The following SPATA6L variants were observed in gnomAD, a reference collection of about 807,000 sequenced individuals.
SPATA6L encodes the protein spermatogenesis associated 6 like, also known as spermatogenesis associated 6-like protein.
In SPATA6L, 68 loss-of-function variants were observed where a neutral mutation model predicts 49.2. The observed-to-expected ratio is 1.38, with a 90% CI of 1.14 to 1.69. The LOEUF (loss-of-function observed/expected upper bound fraction) is 1.69. Among genes scored for constraint, SPATA6L ranks in the 40% most tolerant of loss-of-function variants. The probability of loss-of-function intolerance (pLI) is 0.00; values close to 1 mark genes in which losing one functional copy is unlikely to be tolerated. For missense variants in SPATA6L, 668 were observed against 464.3 expected (o/e 1.44, Z -4.03); for synonymous variants, 198 against 165.7 (o/e 1.19, Z -1.50).
intron 9 of SPATA6L, among the ~76,000 whole-genome samples, chr9:4,611,930 A>C (rs1049526025): frequency 2.7e-5 from 4 of 150,120 alleles, no homozygotes; most frequent in African/African-American, 1.0e-4. Flanking sequence ...TGCAACCTTG[A>C]ACTCTTGGAC....
Position 4,625,394 on chromosome 9 carries a change from G to T in SPATA6L, c.602C>A (p.Ala201Asp). 1 of 1,614,138 alleles carries T rather than the reference G, an allele frequency of 6.2e-7. No homozygotes were observed. Among genetic ancestry groups the T allele is most frequent in the African/African-American group, 1.3e-5 (1 of 75,030 alleles). Residue 201 changes from alanine (A) to aspartate (D), a missense_variant, in exon 6 of 12, where the codon GCT (alanine) becomes GAT (aspartate). Coordinates refer to ENST00000682582, the MANE Select transcript of SPATA6L (RefSeq NM_001353486.2). ...GAAATTATTTCCAAGGTTCAACTGA[G>T]CTGGCTGGTCCTGGAAGAAATGCCT... ...STRHFFQDQP[A>D]QLNLGNNFKI... is the part of the protein sequence containing the mutation.
chr9:4,630,670 T>G (rs965706420), intron 4 of SPATA6L, among the ~76,000 whole-genome samples: 2 of 152,186 alleles, frequency 1.3e-5, no homozygotes, highest in Non-Finnish European at 2.9e-5. Flanking sequence ...CCACTTATAC[T>G]CAAGATGCTT....
At chr9:4,654,144 A>G (rs112667727) in intron 3 of SPATA6L, among the ~76,000 whole-genome samples, 5 of 152,362 alleles carry the variant, frequency 3.3e-5, no homozygotes, top group African/African-American at 1.2e-4. Context: ...AAAATGACAG[A>G]CAATAACAAG....
chr9:4,601,158 T>C (rs1564099927), intron 11 of SPATA6L, among the ~76,000 whole-genome samples: 1 of 152,150 alleles, frequency 6.6e-6, no homozygotes, highest in Non-Finnish European at 1.5e-5. Context: ...TTAACTATAT[T>C]CTACTGAACA....
At chr9:4,648,724 A>AAATAAATAAATAAATAAATAAATAAAT (rs769508422) in intron 3 of SPATA6L, among the ~76,000 whole-genome samples, 2 of 149,104 alleles carry the variant, frequency 1.3e-5, no homozygotes, top group Admixed American at 1.3e-4. Flanking sequence ...TTAAATAAAT[A>AAATAAATAAATAAATAAATAAATAAAT]AATACATAAG....
intron 3 of SPATA6L, among the ~76,000 whole-genome samples, chr9:4,654,391 G>A (rs141040888): frequency 7.2e-5 from 11 of 152,326 alleles, no homozygotes; most frequent in Admixed American, 2.0e-4. Context: ...GGGGCAGGCT[G>A]TGGGGTTCCG....
chr9:4,644,362 T>C (rs997459176), intron 3 of SPATA6L, among the ~76,000 whole-genome samples: 4 of 150,830 alleles, frequency 2.7e-5, no homozygotes, highest in Non-Finnish European at 5.9e-5. Flanking sequence ...ATATAAAAAA[T>C]AAAATTAAAT....
At chr9:4,646,637 A>T (rs1835443379) in intron 3 of SPATA6L, 1 of 479,542 alleles carries the variant, frequency 2.1e-6, no homozygotes, top group African/African-American at 2.0e-5. Context: ...ATAATAATAA[A>T]AATAATAATT....
chr9:4,653,648 G>A (rs1396656269), intron 3 of SPATA6L, among the ~76,000 whole-genome samples: 1 of 152,124 alleles, frequency 6.6e-6, no homozygotes, highest in East Asian at 1.9e-4. Flanking sequence ...AACATTTACA[G>A]GCCAGGCACA....
In SPATA6L at chr9:4,604,244, T is replaced by C. The variant is rs1224403011; in HGVS notation, c.1115A>G (p.Tyr372Cys). 2.5e-6 allele frequency: 4 copies of C among 1,610,900 alleles called. No homozygotes were observed. The highest frequency in any genetic ancestry group is 1.3e-5 in the African/African-American group (1 of 74,870). Residue 372 changes from tyrosine (Y) to cysteine (C), a missense_variant, in exon 11 of 12, where the codon TAT becomes TGT. Physicochemically the swap from Tyr to Cys is radical, Grantham distance 194. Transcript: ENST00000682582. ...NKEDSTSEVN[Y>C]IIERPSYPLK... ...AGGGTAGCTTGGTCTTTCAATGATA[T>C]AATTTACTTCAGAGGTAGAATCTTC...
At position 4,598,379 on chromosome 9, in the gene SPATA6L, A is replaced by T. The variant is rs2771; in HGVS notation, c.*2432T>A. 6.6e-6 allele frequency among the ~76,000 whole-genome samples: 1 copy of T among 152,000 alleles called. No homozygotes were observed. ...GTAATCCAAACCCCAAAACATCACAAAATTATTCATACTATTATACACTCC... is the reference window on the plus strand; with the variant it reads ...GTAATCCAAACCCCAAAACATCACATAATTATTCATACTATTATACACTCC... On this transcript the variant is annotated 3_prime_UTR_variant, in exon 12 of 12. Coordinates refer to ENST00000682582, the MANE Select transcript of SPATA6L (RefSeq NM_001353486.2).
intron 7 of SPATA6L, among the ~76,000 whole-genome samples, chr9:4,620,991 A>T (rs754450390): frequency 6.6e-6 from 1 of 152,258 alleles, no homozygotes; most frequent in Non-Finnish European, 1.5e-5. Flanking sequence ...AGCTGCTGTC[A>T]AACAGCTACC....
rs1190385886 is a variant in SPATA6L, at chr9:4,599,827, C to T, written c.*984G>A. Among the ~76,000 whole-genome samples, 2 of 152,172 alleles carry T rather than the reference C, an allele frequency of 1.3e-5. No homozygotes were observed. Among genetic ancestry groups the T allele is most frequent in the Admixed American group, 1.3e-4 (2 of 15,280 alleles). On this transcript the variant is annotated 3_prime_UTR_variant, in exon 12 of 12. Transcript: ENST00000682582. ...TTTCAACATACAAATGTTGAGGGGA[C>T]ACAAACATTCACACTATAGTAGGGC... is the stretch of plus-strand genomic sequence containing the variant.
At chr9:4,591,773 C>T (rs2129940850) in intron 13 of SPATA6L, among the ~76,000 whole-genome samples, 1 of 152,322 alleles carries the variant, frequency 6.6e-6, no homozygotes, top group African/African-American at 2.4e-5. Flanking sequence ...ATAAGGCCGA[C>T]TCAGCCTGCA....
chr9:4,631,532 A>T (rs2130525542), intron 4 of SPATA6L, among the ~76,000 whole-genome samples: 1 of 152,236 alleles, frequency 6.6e-6, no homozygotes, highest in East Asian at 1.9e-4. Flanking sequence ...TTGCAAAAAT[A>T]AAAAAATTCT....
chr9:4,657,851 T>A (rs1405312424), intron 2 of SPATA6L, among the ~76,000 whole-genome samples: 1 of 152,246 alleles, frequency 6.6e-6, no homozygotes, highest in African/African-American at 2.4e-5. Context: ...TGGTGGCATC[T>A]GTTTGGTAAA....
At chr9:4,641,494 T>G (rs1418381793) in intron 3 of SPATA6L, among the ~76,000 whole-genome samples, 1 of 152,212 alleles carries the variant, frequency 6.6e-6, no homozygotes, top group Non-Finnish European at 1.5e-5. Context: ...TTACTTATAA[T>G]ACCTAACATA....
At chr9:4,619,103 CTTTGT>C (rs1263575284) in intron 7 of SPATA6L, among the ~76,000 whole-genome samples, 1 of 149,036 alleles carries the variant, frequency 6.7e-6, no homozygotes, top group African/African-American at 2.5e-5. Context: ...GGGTTTTTTG[CTTTGT>C]TTTGTTTTTT....
At chr9:4,632,482 G>A (rs1327266754) in intron 4 of SPATA6L, among the ~76,000 whole-genome samples, 1 of 151,716 alleles carries the variant, frequency 6.6e-6, no homozygotes, top group African/African-American at 2.4e-5. Flanking sequence ...TGTAATCCCA[G>A]CTACTCAGGA....
Sources: gnomAD v4.1 joint callset for allele counts (sites outside exome capture counted in the v4.1 genomes callset) on GRCh38, gnomAD v4.1.1 for gene constraint, MANE v1.5 for transcripts, NCBI Gene and HGNC (gene_info 2026-07-23, HGNC 2026-07-21) for gene names.